NAV1: variants seen among roughly 807,000 people sequenced by gnomAD.
The protein encoded by NAV1 is pore membrane and/or filament interacting like protein 3.
Under a neutral mutation model 175.2 loss-of-function variants are expected in NAV1, and 18 were observed. That is an observed-to-expected ratio of 0.10 (90% CI 0.07 to 0.15). The LOEUF (loss-of-function observed/expected upper bound fraction) is 0.15, where lower values mean the gene tolerates loss of function less well. NAV1 is among the 10% of genes least tolerant of loss of function. The pLI, the probability that NAV1 is intolerant of heterozygous loss-of-function variation, is 1.00. For synonymous variants in NAV1, 897 were observed against 978.7 expected (o/e 0.92, Z 1.56); for missense variants, 1,731 against 2,436.6 (o/e 0.71, Z 6.10).
intron 3 of NAV1, among the ~76,000 whole-genome samples, chr1:201,772,458 A>G (rs1406212315): frequency 6.6e-6 from 1 of 152,242 alleles, no homozygotes; most frequent in East Asian, 1.9e-4. Context: ...CTGGTCACCT[A>G]ATAGGAATCC....
intron 3 of NAV1, chr1:201,724,801 GTCT>G (rs1558099904): frequency 6.5e-6 from 1 of 152,754 alleles, no homozygotes; most frequent in African/African-American, 2.4e-5. Context: ...GGATGTTCCA[GTCT>G]TCTTATTTTT....
At chr1:201,712,364 A>C (rs1312579190) in intron 1 of NAV1, among the ~76,000 whole-genome samples, 1 of 152,232 alleles carries the variant, frequency 6.6e-6, no homozygotes, top group Non-Finnish European at 1.5e-5. Context: ...GGAAATTGGC[A>C]AACACCACAC....
chr1:201,687,646 G>A (rs1670736401), intron 1 of NAV1, among the ~76,000 whole-genome samples: 1 of 152,178 alleles, frequency 6.6e-6, no homozygotes. Context: ...AGTTAAGTTT[G>A]CATATTTCAT....
intron 15 of NAV1, among the ~76,000 whole-genome samples, 181 bp from the exon 20 acceptor site, chr1:201,803,412 A>C (rs535351289): frequency 6.6e-6 from 1 of 152,298 alleles, no homozygotes; most frequent in East Asian, 1.9e-4. Context: ...CACTTTTTCT[A>C]TGTTGAAACA....
At chr1:201,802,778 C>CA (rs35700238) in intron 15 of NAV1, among the ~76,000 whole-genome samples, 1,420 of 139,742 alleles carry the variant, frequency 0.01, 19 homozygotes, top group African/African-American at 0.031. Context: ...GACTCCATCT[C>CA]AAAAAAAAAA....
At chr1:201,771,710 A>T (rs2102675068) in intron 3 of NAV1, among the ~76,000 whole-genome samples, 1 of 152,334 alleles carries the variant, frequency 6.6e-6, no homozygotes, top group African/African-American at 2.4e-5. Context: ...AAGCAGAAAA[A>T]ATAAGACTGA....
intron 1 of NAV1, among the ~76,000 whole-genome samples, chr1:201,660,337 T>A (rs923645246): frequency 8.6e-5 from 13 of 150,986 alleles, no homozygotes; most frequent in African/African-American, 2.9e-4. Flanking sequence ...CCCAGTGGGG[T>A]TTGCTTGCTG....
At position 201,750,465 on chromosome 1, in the gene NAV1, C is replaced by T. The variant is rs186142894; in HGVS notation, c.1227-29956C>T. On this transcript the variant is annotated intron_variant, in intron 3 of 29. Coordinates refer to ENST00000367296, the Ensembl canonical transcript of NAV1. The surrounding 1 kb of genome is among the most constrained non-coding windows in gnomAD (Gnocchi z 4.1). Reference sequence around the variant, plus strand: ...CAGCCCTGTGTTTACCTGTTTCATACATTGAGGACTTCTGGTTAAAATGTT... The same window carrying T: ...CAGCCCTGTGTTTACCTGTTTCATATATTGAGGACTTCTGGTTAAAATGTT... Among the ~76,000 whole-genome samples the T allele has an allele frequency of 1.3e-5, 2 of 152,220 alleles. No individual in the cohort carries two copies. Among genetic ancestry groups the T allele is most frequent in the Admixed American group, 6.5e-5 (1 of 15,290 alleles).
chr1:201,582,411 C>G (rs1666895352), intron 1 of NAV1, among the ~76,000 whole-genome samples: 1 of 152,144 alleles, frequency 6.6e-6, no homozygotes, highest in Non-Finnish European at 1.5e-5. Context: ...GGCTGGGCCT[C>G]CAAAGGGACT....
At position 201,641,920 on chromosome 1, in the gene NAV1, T is replaced by TTCCC. The variant is rs548535479; in HGVS notation, c.5-6702_5-6699dup. On this transcript the variant is annotated intron_variant, in intron 2 of 29. Transcript: ENST00000367302. ...TCCCAAGGTCACCTTCCTTCATTCC[T>TTCCC]TCCCTCCCTCCCTCCTTTCTTTCTC... Among the ~76,000 whole-genome samples, 341 of 151,840 alleles carry TTCCC rather than the reference T, an allele frequency of 2.2e-3. 2 individuals are homozygous for TTCCC. Among genetic ancestry groups the TTCCC allele is most frequent in the African/African-American group, 7.8e-3 (325 of 41,416 alleles).
intron 3 of NAV1, among the ~76,000 whole-genome samples, chr1:201,772,941 G>A (rs928926493): frequency 6.6e-6 from 1 of 151,764 alleles, no homozygotes; most frequent in African/African-American, 2.4e-5. Context: ...GCTGAGGCAG[G>A]AGAATGGCAT....
chr1:201,649,208 G>A lies in NAV1; in HGVS notation c.540G>A (p.Ala180=), dbSNP rs537984875. Residue 180 remains alanine, a synonymous_variant, in exon 1 of 30, where the codon GCG becomes GCA. Coordinates refer to ENST00000367296, the Ensembl canonical transcript of NAV1. ...GCCGGATCCCTCGAGGACCCTATGC[G>A]GAGGTCAAGCCGCTCAGCAAGGCGC... The A allele has an allele frequency of 2.4e-5, 39 of 1,612,900 alleles. No homozygotes were observed. In the East Asian group the frequency reaches 8.0e-4, roughly 33 times the overall value.
chr1:201,655,523 C>T (rs1313702614), intron 1 of NAV1, among the ~76,000 whole-genome samples: 1 of 152,344 alleles, frequency 6.6e-6, no homozygotes. Flanking sequence ...AGGAGGCAGA[C>T]ATCACCTCCC....
chr1:201,593,507 A>G (rs938128240), intron 2 of NAV1, among the ~76,000 whole-genome samples: 2 of 152,222 alleles, frequency 1.3e-5, no homozygotes, highest in African/African-American at 4.8e-5. Context: ...ACGACAGATG[A>G]GTCAGAGGAT....
Position 201,742,827 on chromosome 1 carries a change from C to T in NAV1, c.1226+24072C>T, listed in dbSNP as rs111804891. 6.8e-3 allele frequency among the ~76,000 whole-genome samples: 1,026 copies of T among 151,994 alleles called. 10 individuals carry two copies. The highest frequency in any genetic ancestry group is 0.023 in the African/African-American group (971 of 41,466). ...AGGATTTTATGGGACTAGGCACACA[C>T]ACCGCAGGCAAACCACACTTGCTGG... On this transcript the variant is annotated intron_variant, in intron 3 of 29. Coordinates refer to ENST00000367296, the Ensembl canonical transcript of NAV1.
exon 1 of NAV1, chr1:201,648,727 G>C (rs1253988368): frequency 7.1e-7 from 1 of 1,414,306 alleles, no homozygotes; most frequent in Non-Finnish European, 9.2e-7. Context: ...AGCGGCGGCG[G>C]CGACGAGGGC....
intron 2 of NAV1, among the ~76,000 whole-genome samples, chr1:201,596,128 A>C (rs1484502059): frequency 6.6e-6 from 1 of 152,184 alleles, no homozygotes; most frequent in Non-Finnish European, 1.5e-5. Flanking sequence ...TTATCTACCC[A>C]ATGGGGTTTT....
At chr1:201,799,330 A>G (rs1456573295) in intron 15 of NAV1, among the ~76,000 whole-genome samples, 3 of 152,182 alleles carry the variant, frequency 2.0e-5, no homozygotes, top group African/African-American at 4.8e-5. Context: ...GCTTTTTGCT[A>G]TGAGTTTTCA....
intron 1 of NAV1, among the ~76,000 whole-genome samples, chr1:201,695,848 C>T (rs1671168190): frequency 6.6e-6 from 1 of 152,252 alleles, no homozygotes; most frequent in Non-Finnish European, 1.5e-5. Flanking sequence ...ACCACCCCGG[C>T]AGGAGCTCCG....
Sources: allele counts gnomAD v4.1 joint callset (sites outside exome capture counted in the v4.1 genomes callset), GRCh38; gene constraint gnomAD v4.1.1; non-coding constraint Gnocchi (gnomAD v3.1); transcripts MANE v1.5; gene names NCBI Gene and HGNC (gene_info 2026-07-23, HGNC 2026-07-21).